WWOX: variants seen among roughly 807,000 people sequenced by gnomAD.
The protein encoded by WWOX is WW domain-containing oxidoreductase.
Under a neutral mutation model 46.2 loss-of-function variants are expected in WWOX, and 69 were observed. The observed-to-expected ratio is 1.49, with a 90% CI of 1.23 to 1.82. The LOEUF (loss-of-function observed/expected upper bound fraction) is 1.82, where lower values mean the gene tolerates loss of function less well. Ranked by LOEUF, WWOX falls within the 40% of genes most tolerant of loss-of-function variation. The pLI is 0.00. For missense variants in WWOX, 919 were observed against 542.6 expected, an observed-to-expected ratio of 1.69 and a Z score of -6.89; for synonymous variants, 359 against 202.6, an observed-to-expected ratio of 1.77 and a Z score of -6.56.
At chr16:78,924,311 G>A (rs545628232) in intron 8 of WWOX, among the ~76,000 whole-genome samples, 1 of 152,158 alleles carries the variant, frequency 6.6e-6, no homozygotes, top group South Asian at 2.1e-4. Flanking sequence ...GCTTTTTTAG[G>A]GGGTGGGGTT....
At chr16:78,957,446 A>G (rs892728357) in intron 8 of WWOX, among the ~76,000 whole-genome samples, 1 of 152,214 alleles carries the variant, frequency 6.6e-6, no homozygotes, top group East Asian at 1.9e-4. Flanking sequence ...GTCAACAGCC[A>G]GTGGCTCATT....
At chr16:79,208,349 A>C (rs567252927) in intron 8 of WWOX, among the ~76,000 whole-genome samples, 78 of 151,270 alleles carry the variant, frequency 5.2e-4, no homozygotes, top group Middle Eastern at 3.4e-3. Context: ...AACCATATAC[A>C]ACCTACAGGC....
chr16:78,949,830 A>T lies in WWOX; in HGVS notation c.1057-261778A>T, dbSNP rs146174650. Among the ~76,000 whole-genome samples the T allele has an allele frequency of 7.7e-3, 1,169 of 152,328 alleles. 54 individuals carry two copies. Among genetic ancestry groups the T allele is most frequent in the Admixed American group, 0.069 (1,062 of 15,294 alleles). On this transcript the variant is annotated intron_variant, in intron 8 of 8. Transcript: ENST00000566780. ...CTAGTGGGAGAAATCTCCGTTGTAGATTCTGACATGTCACTCCACATCTTT... is the reference window on the plus strand; with the variant it reads ...CTAGTGGGAGAAATCTCCGTTGTAGTTTCTGACATGTCACTCCACATCTTT...
In WWOX at chr16:79,128,766, T is replaced by G. The variant is rs568745834; in HGVS notation, c.1057-82842T>G. Among the ~76,000 whole-genome samples, 341 of 152,290 alleles carry G rather than the reference T, an allele frequency of 2.2e-3. 1 individual carries two copies. Among genetic ancestry groups the G allele is most frequent in the African/African-American group, 7.8e-3 (324 of 41,574 alleles). The stretch of plus-strand genomic sequence containing the variant: ...TAAGCCAGTAGGATTCAATCTGAAG[T>G]CAGGGATAACAGAGCCGGGGGCGGA... On this transcript the variant is annotated intron_variant, in intron 8 of 8. Coordinates refer to ENST00000566780, the MANE Select transcript of WWOX (RefSeq NM_016373.4).
At chr16:78,911,249 T>C (rs574264053) in intron 8 of WWOX, among the ~76,000 whole-genome samples, 4 of 152,158 alleles carry the variant, frequency 2.6e-5, no homozygotes, top group Admixed American at 2.6e-4. Flanking sequence ...GTGATTTCCA[T>C]TCAAATCTGT....
At chr16:79,151,892 T>A (rs1005252119) in intron 8 of WWOX, among the ~76,000 whole-genome samples, 3 of 152,188 alleles carry the variant, frequency 2.0e-5, no homozygotes, top group Admixed American at 6.5e-5. Context: ...CCTTTGTTTA[T>A]CTTTTTTTGT....
chr16:78,399,352 G>C (rs759896490), intron 6 of WWOX, among the ~76,000 whole-genome samples: 6 of 152,184 alleles, frequency 3.9e-5, no homozygotes, highest in Non-Finnish European at 7.4e-5. Flanking sequence ...AGTAATCATA[G>C]TTGTATGTAA....
rs577070665 is a variant in WWOX, at chr16:78,679,031, G to T, written c.1056+246279G>T. On this transcript the variant is annotated intron_variant, in intron 8 of 8. Transcript: ENST00000566780. ...GTGGAGAGACAGGAAAGCAGGGAAG[G>T]GGGCAATTGCCAAGCCTGTTTCTAG... Among the ~76,000 whole-genome samples, 10 of 152,292 alleles carry T rather than the reference G, an allele frequency of 6.6e-5. No homozygotes were observed. The South Asian group carries it at 2.1e-3, about 32-fold the overall frequency.
chr16:79,030,396 A>C (rs1396458468), intron 8 of WWOX, among the ~76,000 whole-genome samples: 1 of 152,186 alleles, frequency 6.6e-6, no homozygotes, highest in Non-Finnish European at 1.5e-5. Flanking sequence ...CCAGCACTTC[A>C]GATACTTTTC....
chr16:79,044,538 T>G (rs1471107427), intron 8 of WWOX, among the ~76,000 whole-genome samples: 1 of 152,170 alleles, frequency 6.6e-6, no homozygotes, highest in African/African-American at 2.4e-5. Context: ...TGCTCCGCCT[T>G]CTCCTTCTGC....
At chr16:78,699,353 G>A (rs1299568595) in intron 8 of WWOX, among the ~76,000 whole-genome samples, 1 of 149,964 alleles carries the variant, frequency 6.7e-6, no homozygotes, top group African/African-American at 2.5e-5. Context: ...ACATGGTGAA[G>A]CCGTGTTTCT....
At chr16:79,026,650 C>G (rs1013369434) in intron 8 of WWOX, among the ~76,000 whole-genome samples, 1 of 141,860 alleles carries the variant, frequency 7.0e-6, no homozygotes, top group South Asian at 2.3e-4. Flanking sequence ...TGGAGTCTCC[C>G]TCTGTCGCCT....
At chr16:78,788,589 G>T (rs1234606901) in intron 8 of WWOX, among the ~76,000 whole-genome samples, 2 of 152,176 alleles carry the variant, frequency 1.3e-5, no homozygotes, top group Admixed American at 1.3e-4. Flanking sequence ...GGGCTGGAAA[G>T]CTCCATGCCC....
At chr16:79,075,481 C>G (rs956101965) in intron 8 of WWOX, among the ~76,000 whole-genome samples, 1 of 152,002 alleles carries the variant, frequency 6.6e-6, no homozygotes, top group Non-Finnish European at 1.5e-5. Flanking sequence ...TTCATTGTTG[C>G]TTACATGTGT....
intron 8 of WWOX, among the ~76,000 whole-genome samples, chr16:78,995,818 G>T (rs1340657939): frequency 6.6e-6 from 1 of 152,174 alleles, no homozygotes; most frequent in Non-Finnish European, 1.5e-5. Flanking sequence ...CAAGTGTAAA[G>T]GAGACCCGAG....
At chr16:79,014,988 C>G (rs184269400) in intron 8 of WWOX, among the ~76,000 whole-genome samples, 53 of 152,038 alleles carry the variant, frequency 3.5e-4, no homozygotes, top group Non-Finnish European at 5.9e-4. Flanking sequence ...AAGGTACCTG[C>G]GAGGGATCAA....
intron 8 of WWOX, among the ~76,000 whole-genome samples, chr16:79,088,584 A>C (rs2048896350): frequency 6.6e-6 from 1 of 152,302 alleles, no homozygotes; most frequent in South Asian, 2.1e-4. Flanking sequence ...TTCTTTTTGA[A>C]ACTAAAAGAG....
At chr16:78,962,604 G>A (rs1201440772) in intron 8 of WWOX, among the ~76,000 whole-genome samples, 1 of 152,244 alleles carries the variant, frequency 6.6e-6, no homozygotes, top group African/African-American at 2.4e-5. Flanking sequence ...CACAGGAAGA[G>A]GAGGGCATTC....
chr16:78,262,546 G>A (rs2079268866), intron 5 of WWOX, among the ~76,000 whole-genome samples: 1 of 152,162 alleles, frequency 6.6e-6, no homozygotes, highest in South Asian at 2.1e-4. Context: ...ACTTCCTGTG[G>A]ACACCAGAGA....
Sources: allele counts gnomAD v4.1 joint callset (sites outside exome capture counted in the v4.1 genomes callset), GRCh38; gene constraint gnomAD v4.1.1; transcripts MANE v1.5; gene names NCBI Gene and HGNC (gene_info 2026-07-23, HGNC 2026-07-21).